CLDN5: variants seen among roughly 807,000 people sequenced by gnomAD.
The protein encoded by CLDN5 is claudin 5, also known as claudin-5.
Under a neutral mutation model 1.3 loss-of-function variants are expected in CLDN5, and 4 were observed. That is an observed-to-expected ratio of 3.07 (90% CI 1.51 to 7.03). The LOEUF is 7.03. CLDN5 is among the 30% of genes most tolerant of loss of function. CLDN5 has a pLI of 0.00. For synonymous variants in CLDN5, 156 were observed against 152.3 expected (o/e 1.02, Z -0.18); for missense variants, 225 against 303.5 (o/e 0.74, Z 1.92).
chr22:19,523,503 AC>A lies in CLDN5; in HGVS notation c.*95del, dbSNP rs1267283409. On this transcript the variant is annotated 3_prime_UTR_variant, in exon 1 of 1. Coordinates refer to ENST00000618236, the MANE Select transcript of CLDN5 (RefSeq NM_001363066.2). Reference sequence around the variant, plus strand: ...TTCCGAGGAGCCTGCGCGCCGCGCTACCCGGCGGAAGCCGCGGTCCATGCGG... The same window carrying A: ...TTCCGAGGAGCCTGCGCGCCGCGCTACCGGCGGAAGCCGCGGTCCATGCGG... 1.4e-6 allele frequency: 2 copies of A among 1,447,286 alleles called. No homozygotes were observed. Among genetic ancestry groups the A allele is most frequent in the Non-Finnish European group, 1.8e-6 (2 of 1,103,594 alleles). The allele number at this position is 1,447,286 out of a possible 1,614,324, so 89.7% of individuals were successfully genotyped here.
At chr22:19,524,450 C>T, upstream of CLDN5, 1 of 1,437,728 alleles carries the variant, frequency 7.0e-7, no homozygotes, top group Non-Finnish European at 9.1e-7. Context: ...GGTTCGGGGG[C>T]GGATTCTGTC....
upstream of CLDN5, chr22:19,524,711 C>A: frequency 4.6e-6 from 6 of 1,298,274 alleles, no homozygotes; most frequent in Middle Eastern, 5.9e-4. Flanking sequence ...GTCCCGGCCC[C>A]GTCACTTCAG....
upstream of CLDN5, chr22:19,524,612 G>A (rs1038006357): frequency 8.1e-5 from 102 of 1,253,680 alleles, no homozygotes; most frequent in Middle Eastern, 1.5e-3. Context: ...CCCGGCAGCC[G>A]CCCCCAGCCC....
chr22:19,523,911 C>A lies in CLDN5; in HGVS notation c.345G>T (p.Ala115=). ...TTCVAPGPAK[A]RVALTGGVLY... is the part of the protein sequence containing the mutation. ...GCACGCCTCCCGTGAGGGCCACACG[C>A]GCCTTGGCCGGGCCCGGGGCCACGC... The change falls in exon 1 of 1, where the codon GCG becomes GCT. Residue 115 remains alanine, a synonymous_variant. Transcript: ENST00000618236. 1 of 1,602,298 alleles carries A rather than the reference C, an allele frequency of 6.2e-7. No individual in the cohort carries two copies.
chr22:19,524,381 CG>C lies in CLDN5; in HGVS notation c.-127del. The C allele has an allele frequency of 6.8e-7, 1 of 1,466,900 alleles. No homozygotes were observed. The highest frequency in any genetic ancestry group is 9.0e-7 in the Non-Finnish European group (1 of 1,108,320). 90.9% of individuals were successfully genotyped at this position (1,466,900 alleles called of 1,614,324 possible). A position where few individuals can be genotyped will look rare whatever the true frequency, so the allele number is the denominator to read the frequency against. On this transcript the variant is annotated 5_prime_UTR_variant, in exon 1 of 1. Coordinates refer to ENST00000618236, the MANE Select transcript of CLDN5 (RefSeq NM_001363066.2). ...GCTCTTGGCCCCAGTCCGTTTGCCCCGCGGGTCTGTCGCACCTCCTGGGTCT... is the reference window on the plus strand; with the variant it reads ...GCTCTTGGCCCCAGTCCGTTTGCCCCCGGGTCTGTCGCACCTCCTGGGTCT...
At position 19,523,766 on chromosome 22, in the gene CLDN5, G is replaced by T. The variant is rs766950337; in HGVS notation, c.490C>A (p.Leu164Met). The T allele has an allele frequency of 6.2e-7, 1 of 1,605,770 alleles. No homozygotes were observed. Among genetic ancestry groups the T allele is most frequent in the Non-Finnish European group, 8.5e-7 (1 of 1,176,904 alleles). The part of the protein sequence containing the change: ...VSQKYELGAA[L>M]YIGWAATALL... ...GCGGTGGCCGCCCAGCCGATGTACA[G>T]CGCTGCGCCCAGCTCGTACTTCTGC... The change falls in exon 1 of 1, where the codon CTG (leucine) becomes ATG (methionine). Residue 164 changes from leucine to methionine, a missense_variant. Physicochemically the swap from Leu to Met is conservative, Grantham distance 15. Transcript: ENST00000618236.
upstream of CLDN5, chr22:19,525,126 C>G: frequency 1.0e-6 from 1 of 1,000,620 alleles, no homozygotes; most frequent in Non-Finnish European, 1.2e-6. Flanking sequence ...GCGACCCCCA[C>G]TCTCCCAAGC....
At position 19,524,322 on chromosome 22, in the gene CLDN5, G is replaced by A; in HGVS notation, c.-67C>T. The A allele has an allele frequency of 6.6e-7, 1 of 1,508,868 alleles. No individual in the cohort carries two copies. 93.5% of individuals were successfully genotyped at this position (1,508,868 alleles called of 1,614,324 possible). A position where few individuals can be genotyped will look rare whatever the true frequency, so the allele number is the denominator to read the frequency against. On this transcript the variant is annotated 5_prime_UTR_variant, in exon 1 of 1. Transcript: ENST00000618236. ...CAAGGCCGTGCTGCGCGGCGCCCTG[G>A]GCGGGCCCTGGTGCCTTTGCGCCCG...
At position 19,523,899 on chromosome 22, in the gene CLDN5, G is replaced by T. The variant is rs1934165193; in HGVS notation, c.357C>A (p.Leu119=). ...AAAACAGGTAGAGCACGCCTCCCGT[G>T]AGGGCCACACGCGCCTTGGCCGGGC... is the stretch of plus-strand genomic sequence containing the variant. ...APGPAKARVA[L]TGGVLYLFCG... Residue 119 remains leucine (L), a synonymous_variant, in exon 1 of 1, where the codon CTC becomes CTA. Coordinates refer to ENST00000618236, the MANE Select transcript of CLDN5 (RefSeq NM_001363066.2). The T allele has an allele frequency of 1.9e-6, 3 of 1,605,872 alleles. No homozygotes were observed. The highest frequency in any genetic ancestry group is 2.5e-6 in the Non-Finnish European group (3 of 1,178,446).
chr22:19,525,061 C>T, upstream of CLDN5: 1 of 1,001,474 alleles, frequency 1.0e-6, no homozygotes, highest in South Asian at 4.7e-5. Context: ...CACTGCCTCT[C>T]TGGAGCCTGA....
At position 19,523,703 on chromosome 22, in the gene CLDN5, C is replaced by A; in HGVS notation, c.553G>T (p.Ala185Ser). 4.4e-6 allele frequency: 7 copies of A among 1,607,554 alleles called. No homozygotes were observed. The highest frequency in any genetic ancestry group is 5.9e-6 in the Non-Finnish European group (7 of 1,178,940). Residue 185 changes from alanine to serine, a missense_variant, in exon 1 of 1, where the codon GCC becomes TCC. Physicochemically the swap from Ala to Ser is moderately conservative, Grantham distance 99. Around this residue, in one of 3 missense-constraint regions of CLDN5, gnomAD observed 165 missense variants for 211.9 expected, o/e 0.78. Coordinates refer to ENST00000618236, the MANE Select transcript of CLDN5 (RefSeq NM_001363066.2). ...TCGGGACGGCCGGTGCAGACCCAGG[C>A]GCCGCAGCACAAGAGGCAGCCGCCT... ...MVGGCLLCCGAWVCTGRPDLS... is the reference protein window; with the variant it reads ...MVGGCLLCCGSWVCTGRPDLS...
At position 19,523,241 on chromosome 22, in the gene CLDN5, C is replaced by T. The variant is rs556878269; in HGVS notation, c.*358G>A. On this transcript the variant is annotated 3_prime_UTR_variant, in exon 1 of 1. Transcript: ENST00000618236. ...GGCCCTGGGCTCTGCATCCGCCCCTCCGAAGTCAGCAGGAGCCTCTGGGAA... is the reference window on the plus strand; with the variant it reads ...GGCCCTGGGCTCTGCATCCGCCCCTTCGAAGTCAGCAGGAGCCTCTGGGAA... 1 of 248,734 alleles carries T rather than the reference C, an allele frequency of 4.0e-6. No homozygotes were observed. The highest frequency in any genetic ancestry group is 7.6e-6 in the Non-Finnish European group (1 of 132,070). The allele number at this position is 248,734 out of a possible 1,614,324, so 15.4% of individuals were successfully genotyped here.
upstream of CLDN5, chr22:19,524,705 C>T (rs1934193939): frequency 3.1e-6 from 4 of 1,300,230 alleles, no homozygotes; most frequent in East Asian, 1.2e-4. Flanking sequence ...CTGCGCGTCC[C>T]GGCCCCGTCA....
rs762340333 is a variant in CLDN5 at position 19,524,198 on chromosome 22, C to A, written c.58G>T (p.Gly20Cys). The change falls in exon 1 of 1, where the codon GGT becomes TGT. Residue 20 changes from glycine to cysteine, a missense_variant. Gly to Cys is a radical substitution (Grantham distance 159). This residue lies in a region of CLDN5 where 41 missense variants were observed against 40.5 expected (regional missense o/e 1.01). Coordinates refer to ENST00000618236, the MANE Select transcript of CLDN5 (RefSeq NM_001363066.2). The stretch of plus-strand genomic sequence containing the variant: ...GGCAGCCCGCACGCCAGGATCAGAC[C>A]CCCCCAGCCCACCAGGCACAGCACC... ...GLVLCLVGWG[G>C]LILACGLPMW... 5 of 1,606,404 alleles carry A rather than the reference C, an allele frequency of 3.1e-6. No homozygotes were observed. The highest frequency in any genetic ancestry group is 2.2e-5 in the East Asian group (1 of 44,508).
rs750553556 is a variant in CLDN5 at position 19,524,208 on chromosome 22, C to T, written c.48G>A (p.Val16=). The change falls in exon 1 of 1, where the codon GTG becomes GTA. Residue 16 remains valine, a synonymous_variant. Coordinates refer to ENST00000618236, the MANE Select transcript of CLDN5 (RefSeq NM_001363066.2). ...ACGCCAGGATCAGACCCCCCCAGCC[C>T]ACCAGGCACAGCACCAGGCCCAGGA... The part of the protein sequence containing the change: ...LEILGLVLCL[V]GWGGLILACG... 2.1e-5 allele frequency: 33 copies of T among 1,603,284 alleles called. No individual in the cohort carries two copies. Among genetic ancestry groups the T allele is most frequent in the Admixed American group, 1.7e-5 (1 of 58,778 alleles).
chr22:19,523,343 A>C lies in CLDN5; in HGVS notation c.*256T>G. ...AGTCTGACACCCGCTCTGCCTATGGAAACAGCGCCGCGCACAGAAAAGGAA... is the reference window on the plus strand; with the variant it reads ...AGTCTGACACCCGCTCTGCCTATGGCAACAGCGCCGCGCACAGAAAAGGAA... On this transcript the variant is annotated 3_prime_UTR_variant, in exon 1 of 1. Coordinates refer to ENST00000618236, the MANE Select transcript of CLDN5 (RefSeq NM_001363066.2). The C allele has an allele frequency of 1.9e-6, 1 of 513,758 alleles. No individual in the cohort carries two copies. The allele number at this position is 513,758 out of a possible 1,614,324, so 31.8% of individuals were successfully genotyped here.
chr22:19,524,158 G>A lies in CLDN5; in HGVS notation c.98C>T (p.Thr33Ile). ...CACGATGTTGTGGTCCAGGAAGGCGGTCACCTGCCACATGGGCAGCCCGCA... is the reference window on the plus strand; with the variant it reads ...CACGATGTTGTGGTCCAGGAAGGCGATCACCTGCCACATGGGCAGCCCGCA... ...LACGLPMWQV[T>I]AFLDHNIVTA... Residue 33 changes from threonine (T) to isoleucine (I), a missense_variant, in exon 1 of 1, where the codon ACC becomes ATC. Physicochemically the swap from Thr to Ile is moderately conservative, Grantham distance 89. Transcript: ENST00000618236. 1 of 1,610,142 alleles carries A rather than the reference G, an allele frequency of 6.2e-7. No homozygotes were observed. Among genetic ancestry groups the A allele is most frequent in the Non-Finnish European group, 8.5e-7 (1 of 1,179,508 alleles).
chr22:19,524,582 G>C, upstream of CLDN5: 8 of 1,353,368 alleles, frequency 5.9e-6, no homozygotes, highest in Non-Finnish European at 7.6e-6. Context: ...GGGTAGCTGA[G>C]GGCGCGGGAC....
chr22:19,524,185 G>T lies in CLDN5; in HGVS notation c.71C>A (p.Ala24Glu). ...CLVGWGGLIL[A>E]CGLPMWQVTA... Reference sequence around the variant, plus strand: ...CACCTGCCACATGGGCAGCCCGCACGCCAGGATCAGACCCCCCCAGCCCAC... The same window carrying T: ...CACCTGCCACATGGGCAGCCCGCACTCCAGGATCAGACCCCCCCAGCCCAC... The change falls in exon 1 of 1, where the codon GCG becomes GAG. Residue 24 changes from alanine to glutamate, a missense_variant. By Grantham distance (107) the Ala-to-Glu change is moderately radical. Coordinates refer to ENST00000618236, the MANE Select transcript of CLDN5 (RefSeq NM_001363066.2). 6.2e-7 allele frequency: 1 copy of T among 1,609,276 alleles called. No homozygotes were observed.
Sources: allele counts gnomAD v4.1 joint callset, GRCh38; gene constraint gnomAD v4.1.1; regional missense constraint gnomAD v4.1.1; transcripts MANE v1.5; gene names NCBI Gene and HGNC (gene_info 2026-07-23, HGNC 2026-07-21).